Variants in SDK1 observed in about 807,000 individuals in gnomAD.
The protein encoded by SDK1 is sidekick cell adhesion molecule 1.
SDK1 carries 157 observed loss-of-function variants against 245.5 expected under a neutral mutation model. The observed-to-expected ratio is 0.64, with a 90% CI of 0.56 to 0.73. The LOEUF is 0.73. SDK1 is among the 30% of genes least tolerant of loss of function. SDK1 has a pLI of 0.00. For synonymous variants in SDK1, 1,647 were observed against 1,278.5 expected, an observed-to-expected ratio of 1.29 and a Z score of -6.15; for missense variants, 3,583 against 3,002.3, an observed-to-expected ratio of 1.19 and a Z score of -4.52.
chr7:3,867,677 C>A (rs1317508056), intron 5 of SDK1, among the ~76,000 whole-genome samples: 2 of 152,176 alleles, frequency 1.3e-5, no homozygotes, highest in African/African-American at 4.8e-5. Flanking sequence ...CCCACCAGGT[C>A]CCTCCCACAA....
At chr7:3,593,932 A>G (rs1307462476) in intron 1 of SDK1, among the ~76,000 whole-genome samples, 2 of 152,228 alleles carry the variant, frequency 1.3e-5, no homozygotes, top group Admixed American at 1.3e-4. Flanking sequence ...TCCTAAATAT[A>G]TCATTTTAAC....
intron 5 of SDK1, among the ~76,000 whole-genome samples, chr7:3,841,078 A>T (rs1482333256): frequency 1.3e-5 from 2 of 152,186 alleles, no homozygotes; most frequent in Non-Finnish European, 2.9e-5. Flanking sequence ...AATCCCAGGG[A>T]TGCCCGTTTT....
At chr7:4,237,195 TTTTTG>T (rs925066304) in intron 41 of SDK1, among the ~76,000 whole-genome samples, 1 of 152,050 alleles carries the variant, frequency 6.6e-6, no homozygotes, top group Non-Finnish European at 1.5e-5. Flanking sequence ...CCTGGCTGTT[TTTTTG>T]TTTTGTTTTG....
At chr7:3,309,942 C>T (rs1779511068) in intron 1 of SDK1, among the ~76,000 whole-genome samples, 1 of 152,072 alleles carries the variant, frequency 6.6e-6, no homozygotes, top group African/African-American at 2.4e-5. Context: ...GTCTGAACTA[C>T]TTAAGAAAAA....
chr7:3,887,434 C>G (rs920919659), intron 5 of SDK1, among the ~76,000 whole-genome samples: 1 of 152,026 alleles, frequency 6.6e-6, no homozygotes, highest in African/African-American at 2.4e-5. Flanking sequence ...AGCATGTTTC[C>G]CAGTAGAGAA....
rs1377213316 is a variant in SDK1 at position 4,047,953 on chromosome 7, T to G, written c.2603-1395T>G. Among the ~76,000 whole-genome samples, 3 of 152,208 alleles carry G rather than the reference T, an allele frequency of 2.0e-5. No homozygotes were observed. In the East Asian group the frequency reaches 5.8e-4, roughly 29 times the overall value. On this transcript the variant is annotated intron_variant, in intron 17 of 44. Coordinates refer to ENST00000404826, the MANE Select transcript of SDK1 (RefSeq NM_152744.4). ...TTACAGGATGGCAAGTAGGGCAGTT[T>G]CCTGGTGACTTAGAGAGGGGGCCGA...
chr7:3,804,387 C>A (rs139730225), intron 4 of SDK1, among the ~76,000 whole-genome samples: 4 of 152,130 alleles, frequency 2.6e-5, no homozygotes, highest in African/African-American at 7.2e-5. Flanking sequence ...TGTAAAAAAT[C>A]TTTTGGCCCT....
At chr7:3,672,759 T>TTTTATATATATA (rs1554307102) in intron 4 of SDK1, among the ~76,000 whole-genome samples, 1 of 50,756 alleles carries the variant, frequency 2.0e-5, no homozygotes, top group Non-Finnish European at 3.5e-5. Context: ...ATATATAATT[T>TTTTATATATATA]TATATATATA....
chr7:3,943,974 C>A (rs1354073947), intron 5 of SDK1, among the ~76,000 whole-genome samples: 2 of 152,212 alleles, frequency 1.3e-5, no homozygotes, highest in Admixed American at 1.3e-4. Context: ...AGAAATCCTC[C>A]TTTGACTCAG....
At chr7:3,982,214 A>G (rs939889015) in intron 13 of SDK1, among the ~76,000 whole-genome samples, 25 of 152,230 alleles carry the variant, frequency 1.6e-4, no homozygotes, top group African/African-American at 5.5e-4. Flanking sequence ...TGTTTACAGC[A>G]TGTTTTACTG....
At chr7:3,708,089 A>G (rs138463875) in intron 4 of SDK1, among the ~76,000 whole-genome samples, 150 of 152,292 alleles carry the variant, frequency 9.8e-4, no homozygotes, top group African/African-American at 3.5e-3. Flanking sequence ...GCCTCAGGAA[A>G]CTTACAGTCA....
intron 13 of SDK1, among the ~76,000 whole-genome samples, chr7:3,980,097 A>T (rs1427163843): frequency 1.3e-5 from 2 of 152,190 alleles, no homozygotes; most frequent in Non-Finnish European, 2.9e-5. Flanking sequence ...GTCAAAGAAG[A>T]TGGGTTTGAC....
At chr7:3,948,853 G>A (rs867858593) in intron 5 of SDK1, among the ~76,000 whole-genome samples, 15 of 152,214 alleles carry the variant, frequency 9.9e-5, no homozygotes, top group Non-Finnish European at 1.8e-4. Flanking sequence ...CACCGTGGCT[G>A]AGCAGTGATT....
chr7:3,337,594 C>T (rs915029448), intron 1 of SDK1, among the ~76,000 whole-genome samples: 1 of 152,164 alleles, frequency 6.6e-6, no homozygotes, highest in Non-Finnish European at 1.5e-5. Flanking sequence ...CAAGACACAT[C>T]CTGATTAAAC....
At chr7:3,623,130 C>G (rs1781995946) in intron 2 of SDK1, among the ~76,000 whole-genome samples, 1 of 152,066 alleles carries the variant, frequency 6.6e-6, no homozygotes, top group Admixed American at 6.6e-5. Flanking sequence ...TATGAAAATG[C>G]TAACCCTGTA....
intron 1 of SDK1, among the ~76,000 whole-genome samples, chr7:3,471,721 A>C (rs1408463981): frequency 2.6e-5 from 4 of 152,182 alleles, no homozygotes; most frequent in Admixed American, 1.3e-4. Flanking sequence ...AAACAGAGAA[A>C]ATACTGCTTT....
rs57546275 is a variant in SDK1 at position 3,640,764 on chromosome 7, A to T, written c.566-1194A>T. ...AGTGGCACAATCTTGACTCACCGCA[A>T]CCTCCGCCTCCTAGGTTCAAGTGAT... On this transcript the variant is annotated intron_variant, in intron 3 of 44. Coordinates refer to ENST00000404826, the MANE Select transcript of SDK1 (RefSeq NM_152744.4). 5.2e-3 allele frequency among the ~76,000 whole-genome samples: 786 copies of T among 151,842 alleles called. 5 individuals carry two copies. The highest frequency in any genetic ancestry group is 0.018 in the African/African-American group (754 of 41,392).
chr7:3,903,918 G>C (rs6977305), intron 5 of SDK1, among the ~76,000 whole-genome samples: 57,400 of 151,952 alleles, frequency 0.38, 16,809 homozygotes, highest in African/African-American at 0.82. Flanking sequence ...CCTAGACTCT[G>C]TCTTGCTTTC....
intron 32 of SDK1, among the ~76,000 whole-genome samples, chr7:4,165,365 A>G (rs1268560523): frequency 1.3e-5 from 2 of 152,118 alleles, no homozygotes; most frequent in East Asian, 1.9e-4. Flanking sequence ...GTCTCAAAAC[A>G]AACAAACAAA....
Sources: gnomAD v4.1 joint callset for allele counts (sites outside exome capture counted in the v4.1 genomes callset) on GRCh38, gnomAD v4.1.1 for gene constraint, MANE v1.5 for transcripts, NCBI Gene and HGNC (gene_info 2026-07-23, HGNC 2026-07-21) for gene names.